NUTM1: variants seen among roughly 807,000 people sequenced by gnomAD.
The protein encoded by NUTM1 is NUT family member 1.
NUTM1 carries 39 observed loss-of-function variants against 88.7 expected under a neutral mutation model. The ratio of observed to expected loss-of-function variants is 0.44; its 90% CI spans 0.34 to 0.57. The LOEUF is 0.57. Ranked by LOEUF, NUTM1 falls within the 20% of genes least tolerant of loss-of-function variation. NUTM1 has a pLI of 0.01. For synonymous variants in NUTM1, 494 were observed against 538.0 expected, an observed-to-expected ratio of 0.92 and a Z score of 1.13; for missense variants, 1,350 against 1,414.5, an observed-to-expected ratio of 0.95 and a Z score of 0.73.
chr15:34,345,650 G>A (rs963427429), intron 1 of NUTM1, among the ~76,000 whole-genome samples: 3 of 152,170 alleles, frequency 2.0e-5, no homozygotes, highest in African/African-American at 4.8e-5. Flanking sequence ...GTGAAGAATC[G>A]AAGTGTAGTG....
intron 3 of NUTM1, 85 bp downstream of exon 3, chr15:34,348,762 A>T: frequency 1.1e-6 from 1 of 886,300 alleles, no homozygotes; most frequent in East Asian, 2.4e-5. Context: ...TAGGCTGTTT[A>T]GGACTACTTG....
rs777681816 is a variant in NUTM1, at chr15:34,348,183, C to A, written c.315C>A (p.Gly105=). 10 of 1,614,082 alleles carry A rather than the reference C, an allele frequency of 6.2e-6. No homozygotes were observed. In the African/African-American group the frequency reaches 9.3e-5, roughly 15 times the overall value. ...PSSLLVTGDG[G]PCLSGAGAGK... is the part of the protein sequence containing the mutation. ...CACTGTTGGTGACAGGGGATGGGGG[C>A]CCTTGCCTCAGTGGGGCTGGGGCTG... Residue 105 remains glycine (G), a synonymous_variant, in exon 3 of 8, where the codon GGC becomes GGA. Transcript: ENST00000537011.
intron 1 of NUTM1, 114 bp from the exon 2 acceptor site, chr15:34,345,828 A>T (rs1264290930): frequency 7.0e-7 from 1 of 1,433,872 alleles, no homozygotes; most frequent in South Asian, 1.4e-5. Flanking sequence ...CCCTCACCCC[A>T]CTTTTCCCTC....
At chr15:34,354,408 G>A (rs757753844) in intron 5 of NUTM1, 38 bp from the exon 6 acceptor site, 25 of 1,602,952 alleles carry the variant, frequency 1.6e-5, no homozygotes, top group Middle Eastern at 2.0e-4. Context: ...TGTGGTTTCT[G>A]TGCTACTTCC....
chr15:34,356,931 G>C lies in NUTM1; in HGVS notation c.2923G>C (p.Ala975Pro), dbSNP rs866433247. The C allele has an allele frequency of 6.2e-7, 1 of 1,613,628 alleles. No individual in the cohort carries two copies. The highest frequency in any genetic ancestry group is 8.5e-7 in the Non-Finnish European group (1 of 1,179,998). The change falls in exon 8 of 8, where the codon GCT becomes CCT. Residue 975 changes from alanine (A) to proline (P), a missense_variant. This residue lies in a region of NUTM1 where 730 missense variants were observed against 728.8 expected (regional missense o/e 1.00). Transcript: ENST00000537011. ...DPDLSKPKNL[A>P]PLQESQESYT... ...TGATCTGTCCAAGCCTAAAAACCTTGCTCCTTTACAAGAGAGTCAGGAGTC... is the reference window on the plus strand; with the variant it reads ...TGATCTGTCCAAGCCTAAAAACCTTCCTCCTTTACAAGAGAGTCAGGAGTC...
At chr15:34,347,710 G>C (rs373847635) in intron 2 of NUTM1, among the ~76,000 whole-genome samples, 1 of 152,034 alleles carries the variant, frequency 6.6e-6, no homozygotes, top group African/African-American at 2.4e-5. Flanking sequence ...AAAGTTAGCC[G>C]GGCGTGGTGG....
intron 4 of NUTM1, among the ~76,000 whole-genome samples, chr15:34,353,424 G>A (rs1890744132): frequency 6.6e-6 from 1 of 150,408 alleles, no homozygotes; most frequent in East Asian, 2.0e-4. Flanking sequence ...CAAACTCTTG[G>A]GCTCAAGCAA....
intron 4 of NUTM1, 61 bp downstream of exon 4, chr15:34,350,893 C>T (rs1890692946): frequency 8.1e-6 from 13 of 1,599,154 alleles, no homozygotes; most frequent in South Asian, 4.4e-5. Context: ...CAGTAAGGGC[C>T]GCAGAGAGAC....
rs774677346 is a variant in NUTM1, at chr15:34,355,855, A to G, written c.1847A>G (p.Lys616Arg). The change falls in exon 8 of 8, where the codon AAG (lysine) becomes AGG (arginine). Residue 616 changes from lysine (K) to arginine (R), a missense_variant. Lys to Arg is a conservative substitution (Grantham distance 26). Transcript: ENST00000537011. This position sits in a 1 kb window ranked among gnomAD's most constrained non-coding sequence, Gnocchi z 4.3. ...PLGVERRGSGKVINQVSLHQD... is the reference protein window; with the variant it reads ...PLGVERRGSGRVINQVSLHQD... ...GGTGTGGAGAGGAGAGGGTCTGGGA[A>G]GGTTATAAACCAGGTATCTCTACAT... 2.5e-6 allele frequency: 4 copies of G among 1,613,842 alleles called. No homozygotes were observed. In the African/African-American group the frequency reaches 5.3e-5, roughly 22 times the overall value.
At position 34,357,629 on chromosome 15, in the gene NUTM1, GT is replaced by G. The variant is rs1218006736; in HGVS notation, c.*139del. On this transcript the variant is annotated 3_prime_UTR_variant, in exon 8 of 8. Coordinates refer to ENST00000537011, the MANE Select transcript of NUTM1 (RefSeq NM_001284292.2). ...AATGTTGTTTTGTTGTTCTGCAAAAGTGGCAAGCATGGAGAGAGAGGTCAGA... is the reference window on the plus strand; with the variant it reads ...AATGTTGTTTTGTTGTTCTGCAAAAGGGCAAGCATGGAGAGAGAGGTCAGA... 1 of 1,540,514 alleles carries G rather than the reference GT, an allele frequency of 6.5e-7. No homozygotes were observed. Among genetic ancestry groups the G allele is most frequent in the Non-Finnish European group, 8.9e-7 (1 of 1,126,686 alleles).
chr15:34,349,094 T>C (rs1339518977), intron 3 of NUTM1, among the ~76,000 whole-genome samples: 1 of 152,176 alleles, frequency 6.6e-6, no homozygotes, highest in East Asian at 1.9e-4. Flanking sequence ...GGACCCTAAC[T>C]CAGGGCCCTG....
Position 34,357,343 on chromosome 15 carries a change from C to G in NUTM1, c.3335C>G (p.Thr1112Ser). 1 of 1,614,220 alleles carries G rather than the reference C, an allele frequency of 6.2e-7. No individual in the cohort carries two copies. Among genetic ancestry groups the G allele is most frequent in the Non-Finnish European group, 8.5e-7 (1 of 1,180,038 alleles). The change falls in exon 8 of 8, where the codon ACT becomes AGT. Residue 1112 changes from threonine (T) to serine (S), a missense_variant. Physicochemically the swap from Thr to Ser is moderately conservative, Grantham distance 58 (BLOSUM62 1). Coordinates refer to ENST00000537011, the MANE Select transcript of NUTM1 (RefSeq NM_001284292.2). The stretch of plus-strand genomic sequence containing the variant: ...GCTCTAGCTGGAGGTCCAGCCCCTA[C>G]TGAAAAGACACCCCACTCAGGAGCT... The part of the protein sequence containing the change: ...KRALAGGPAP[T>S]EKTPHSGAQL...
In NUTM1 at chr15:34,356,148, G is replaced by A. The variant is rs1364301004; in HGVS notation, c.2140G>A (p.Gly714Arg). Residue 714 changes from glycine to arginine, a missense_variant, in exon 8 of 8, where the codon GGA becomes AGA. Physicochemically the swap from Gly to Arg is moderately radical, Grantham distance 125 (BLOSUM62 -2). Coordinates refer to ENST00000537011, the MANE Select transcript of NUTM1 (RefSeq NM_001284292.2). ...AGCAGTGCCCTGGGAAGGCTCTTCA[G>A]GAGCCATGTGGGGAGATGACAGAGG... ...PLAVPWEGSSGAMWGDDRGTP... is the reference protein window; with the variant it reads ...PLAVPWEGSSRAMWGDDRGTP... 1 of 1,612,494 alleles carries A rather than the reference G, an allele frequency of 6.2e-7. No individual in the cohort carries two copies. Among genetic ancestry groups the A allele is most frequent in the East Asian group, 2.2e-5 (1 of 44,818 alleles).
In NUTM1 at chr15:34,357,077, G is replaced by C. The variant is rs1329147858; in HGVS notation, c.3069G>C (p.Arg1023Ser). 3 of 1,614,066 alleles carry C rather than the reference G, an allele frequency of 1.9e-6. No homozygotes were observed. Among genetic ancestry groups the C allele is most frequent in the Non-Finnish European group, 8.5e-7 (1 of 1,180,012 alleles). Reference sequence around the variant, plus strand: ...AAACTTCTGTTAGTAAAACACACAGGTCAGCAGACAGGGCCAAAGGAAAGG... The same window carrying C: ...AAACTTCTGTTAGTAAAACACACAGCTCAGCAGACAGGGCCAAAGGAAAGG... ...PRETSVSKTH[R>S]SADRAKGKEK... The change falls in exon 8 of 8, where the codon AGG (arginine) becomes AGC (serine). Residue 1023 changes from arginine (R) to serine (S), a missense_variant. Arg to Ser is a moderately radical substitution (Grantham distance 110). Coordinates refer to ENST00000537011, the MANE Select transcript of NUTM1 (RefSeq NM_001284292.2).
chr15:34,352,470 G>A (rs1890725950), intron 4 of NUTM1, among the ~76,000 whole-genome samples: 1 of 152,028 alleles, frequency 6.6e-6, no homozygotes, highest in African/African-American at 2.4e-5. Context: ...GAGCACTGCT[G>A]TGTACAATCC....
At chr15:34,347,646 G>T (rs1239893146) in intron 2 of NUTM1, among the ~76,000 whole-genome samples, 2 of 152,120 alleles carry the variant, frequency 1.3e-5, no homozygotes, top group Non-Finnish European at 2.9e-5. Flanking sequence ...AAGGTCAGGA[G>T]ATCGAGACCA....
intron 3 of NUTM1, among the ~76,000 whole-genome samples, chr15:34,349,481 G>A (rs982324511): frequency 3.9e-5 from 6 of 152,106 alleles, no homozygotes; most frequent in African/African-American, 1.4e-4. Context: ...AGGTCAAAAC[G>A]TCCTTGCTTA....
chr15:34,343,319 T>C lies in NUTM1; in HGVS notation c.-378T>C. 1.6e-6 allele frequency: 1 copy of C among 641,112 alleles called. No homozygotes were observed. Among genetic ancestry groups the C allele is most frequent in the Non-Finnish European group, 2.8e-6 (1 of 356,788 alleles). 39.7% of individuals were successfully genotyped at this position (641,112 alleles called of 1,614,324 possible). A position where few individuals can be genotyped will look rare whatever the true frequency, so the allele number is the denominator to read the frequency against. On this transcript the variant is annotated 5_prime_UTR_variant, in exon 1 of 8. Transcript: ENST00000537011. Reference sequence around the variant, plus strand: ...GCTAAAACACGTGGAGTGTCCCTACTGTGTGCTAGGTACACGGCGTTAGAG... The same window carrying C: ...GCTAAAACACGTGGAGTGTCCCTACCGTGTGCTAGGTACACGGCGTTAGAG...
chr15:34,345,698 G>T (rs904314461), intron 1 of NUTM1, among the ~76,000 whole-genome samples: 2 of 152,178 alleles, frequency 1.3e-5, no homozygotes, highest in African/African-American at 4.8e-5. Context: ...GGGAATCTGA[G>T]AAAAAGTTTA....
Sources: allele counts gnomAD v4.1 joint callset (sites outside exome capture counted in the v4.1 genomes callset), GRCh38; gene constraint gnomAD v4.1.1; regional missense constraint gnomAD v4.1.1; non-coding constraint Gnocchi (gnomAD v3.1); transcripts MANE v1.5; gene names NCBI Gene and HGNC (gene_info 2026-07-23, HGNC 2026-07-21).